The following NPR1 variants were observed in gnomAD, a reference collection of about 807,000 sequenced individuals.
NPR1 encodes the protein atrial natriuretic peptide receptor 1.
In NPR1, 57 loss-of-function variants were observed where a neutral mutation model predicts 116.9. The ratio of observed to expected loss-of-function variants is 0.49; its 90% CI spans 0.39 to 0.61. The LOEUF is 0.61. Ranked by LOEUF, NPR1 falls within the 20% of genes least tolerant of loss-of-function variation. NPR1 has a pLI of 0.00. For missense variants in NPR1, 1,096 were observed against 1,409.8 expected, an observed-to-expected ratio of 0.78 and a Z score of 3.56; for synonymous variants, 555 against 601.6, an observed-to-expected ratio of 0.92 and a Z score of 1.13.
intron 19 of NPR1, 57 bp downstream of exon 19, chr1:153,690,037 C>G: frequency 7.1e-7 from 1 of 1,416,082 alleles, no homozygotes; most frequent in Non-Finnish European, 9.4e-7. Flanking sequence ...GCAAGGGAAA[C>G]TTGTCCCCTG....
chr1:153,679,159 C>A lies in NPR1; in HGVS notation c.51C>A (p.Leu17=). ...GCTCCCGCCTGCGCCTGCTCCTGCT[C>A]CTGCTGCTGCCGCCGCTGCTGCTGC... is the stretch of plus-strand genomic sequence containing the variant. ...PAGSRLRLLL[L]LLLPPLLLLL... is the part of the protein sequence containing the mutation. Residue 17 remains leucine (L), a synonymous_variant, in exon 1 of 22, where the codon CTC becomes CTA. Coordinates refer to ENST00000368680, the MANE Select transcript of NPR1 (RefSeq NM_000906.4). The surrounding 1 kb of genome is among the most constrained non-coding windows in gnomAD (Gnocchi z 4.2). 2 of 1,499,526 alleles carry A rather than the reference C, an allele frequency of 1.3e-6. No homozygotes were observed. The highest frequency in any genetic ancestry group is 1.3e-5 in the South Asian group (1 of 79,984). 92.9% of individuals were successfully genotyped at this position (1,499,526 alleles called of 1,614,324 possible).
rs1669694259 is a variant in NPR1 at position 153,679,365 on chromosome 1, A to C, written c.257A>C (p.Glu86Ala). 6.5e-7 allele frequency: 1 copy of C among 1,539,590 alleles called. No homozygotes were observed. Among genetic ancestry groups the C allele is most frequent in the South Asian group, 1.2e-5 (1 of 84,186 alleles). Residue 86 changes from glutamate (E) to alanine (A), a missense_variant, in exon 1 of 22, where the codon GAA becomes GCA. By Grantham distance (107) the Glu-to-Ala change is moderately radical. Transcript: ENST00000368680. The surrounding 1 kb of genome is among the most constrained non-coding windows in gnomAD (Gnocchi z 4.2). ...GTCCGCACGGTGCTGGGCAGCAGCG[A>C]AAACGCGCTGGGCGTCTGCTCCGAC... ...WTVRTVLGSS[E>A]NALGVCSDTA...
At position 153,689,445 on chromosome 1, in the gene NPR1, C is replaced by A; in HGVS notation, c.2689-8C>A. On this transcript the variant is annotated splice_polypyrimidine_tract_variant and splice_region_variant and intron_variant, in intron 17 of 21. Transcript: ENST00000368680. The surrounding 1 kb of genome is among the most constrained non-coding windows in gnomAD (Gnocchi z 5.1). ...TTCCTGTCTCTCTTAGCTTCTCTTC[C>A]CTTCCAGGTGGTGACCCTGCTCAAT... 1 of 1,614,068 alleles carries A rather than the reference C, an allele frequency of 6.2e-7. No homozygotes were observed. The highest frequency in any genetic ancestry group is 8.5e-7 in the Non-Finnish European group (1 of 1,179,958).
Position 153,688,237 on chromosome 1 carries a change from C to A in NPR1, c.2417+16C>A, listed in dbSNP as rs762506816. The A allele has an allele frequency of 1.9e-6, 3 of 1,610,194 alleles. No homozygotes were observed. In the Middle Eastern group the frequency reaches 5.0e-4, roughly 267 times the overall value. ...AATTTAACAGGTCCCTGGTGTTTGT[C>A]ATGGATCCCCCAGGCCCTTCCTCCA... On this transcript the variant is annotated intron_variant, in intron 15 of 21. Transcript: ENST00000368680.
Position 153,678,990 on chromosome 1 carries a change from G to C in NPR1, c.-119G>C. On this transcript the variant is annotated 5_prime_UTR_variant, in exon 1 of 22. Coordinates refer to ENST00000368680, the MANE Select transcript of NPR1 (RefSeq NM_000906.4). This position sits in a 1 kb window ranked among gnomAD's most constrained non-coding sequence, Gnocchi z 5.8. ...CTCGAGCCCCGGGGTGAGCGTCCCC[G>C]TCCCGCTCCTGCTCCTTCCCATAGG... The C allele has an allele frequency of 8.0e-7, 1 of 1,257,330 alleles. No homozygotes were observed. The highest frequency in any genetic ancestry group is 1.0e-6 in the Non-Finnish European group (1 of 974,008). 77.9% of individuals were successfully genotyped at this position (1,257,330 alleles called of 1,614,324 possible). A position where few individuals can be genotyped will look rare whatever the true frequency, so the allele number is the denominator to read the frequency against.
intron 12 of NPR1, 46 bp from the exon 13 acceptor site, chr1:153,687,154 G>A: frequency 1.2e-6 from 2 of 1,614,080 alleles, no homozygotes; most frequent in African/African-American, 2.7e-5. Flanking sequence ...GGCCACGGGT[G>A]TAGGTCCCAC....
chr1:153,681,119 C>T, intron 2 of NPR1, 61 bp from the exon 3 acceptor site: 1 of 1,069,550 alleles, frequency 9.3e-7, no homozygotes, highest in Non-Finnish European at 1.4e-6. Flanking sequence ...CTGTTGGGGC[C>T]CCACAGTACT....
rs1669675554 is a variant in NPR1, at chr1:153,678,930, C to T, written c.-179C>T. On this transcript the variant is annotated 5_prime_UTR_variant, in exon 1 of 22. Transcript: ENST00000368680. This position sits in a 1 kb window ranked among gnomAD's most constrained non-coding sequence, Gnocchi z 5.8. ...GCGCCCCCCTCGGTCGCGCCCCTTG[C>T]GCTCTCGGCCCAGACCGTCGCAGCT... The T allele has an allele frequency of 2.4e-6, 2 of 845,576 alleles. No individual in the cohort carries two copies. Among genetic ancestry groups the T allele is most frequent in the Admixed American group, 4.1e-5 (1 of 24,106 alleles). The allele number at this position is 845,576 out of a possible 1,614,324, so 52.4% of individuals were successfully genotyped here.
chr1:153,679,815 C>T lies in NPR1; in HGVS notation c.707C>T (p.Pro236Leu), dbSNP rs1290716134. Reference sequence around the variant, plus strand: ...TACACCAGGCTGCTGCGGACCATGCCGCGCAAAGGCCGAGGTGAGACGCTG... The same window carrying T: ...TACACCAGGCTGCTGCGGACCATGCTGCGCAAAGGCCGAGGTGAGACGCTG... Reference protein sequence around the residue: ...SHYTRLLRTMPRKGRVIYICS... With the variant: ...SHYTRLLRTMLRKGRVIYICS... The change falls in exon 1 of 22, where the codon CCG becomes CTG. Residue 236 changes from proline to leucine, a missense_variant. Coordinates refer to ENST00000368680, the MANE Select transcript of NPR1 (RefSeq NM_000906.4). The surrounding 1 kb of genome is among the most constrained non-coding windows in gnomAD (Gnocchi z 4.2). The T allele has an allele frequency of 6.5e-7, 1 of 1,541,842 alleles. No homozygotes were observed. Among genetic ancestry groups the T allele is most frequent in the South Asian group, 1.2e-5 (1 of 84,390 alleles).
intron 8 of NPR1, among the ~76,000 whole-genome samples, 166 bp downstream of exon 8, chr1:153,685,250 T>C (rs1669896989): frequency 6.6e-6 from 1 of 151,560 alleles, no homozygotes; most frequent in African/African-American, 2.4e-5. Flanking sequence ...TCTCAGATGA[T>C]GATTACAGCA....
At chr1:153,682,795 G>A (rs1411601583) in intron 5 of NPR1, among the ~76,000 whole-genome samples, 1 of 152,232 alleles carries the variant, frequency 6.6e-6, no homozygotes, top group Non-Finnish European at 1.5e-5. Context: ...TCACACTTGG[G>A]GAGCCCCATG....
At chr1:153,686,005 G>T in intron 9 of NPR1, 118 bp from the exon 10 acceptor site, 17 of 1,362,042 alleles carry the variant, frequency 1.2e-5, no homozygotes, top group Non-Finnish European at 1.8e-5. Flanking sequence ...GGCCCTGGGG[G>T]TGGGCTATTG....
intron 20 of NPR1, among the ~76,000 whole-genome samples, chr1:153,691,469 A>G (rs1458197493): frequency 6.6e-6 from 1 of 152,220 alleles, no homozygotes; most frequent in African/African-American, 2.4e-5. Context: ...CTTATGGTGA[A>G]AGAAAGGCTG....
At position 153,685,867 on chromosome 1, in the gene NPR1, C is replaced by T. The variant is rs1669913368; in HGVS notation, c.1667C>T (p.Thr556Ile). 3 of 1,613,958 alleles carry T rather than the reference C, an allele frequency of 1.9e-6. No homozygotes were observed. The highest frequency in any genetic ancestry group is 2.5e-6 in the Non-Finnish European group (3 of 1,179,902). Reference sequence around the variant, plus strand: ...GGCCAGTTCCAAGTCTTTGCCAAGACAGCATATTATAAGGTGGGCCTGGGG... The same window carrying T: ...GGCCAGTTCCAAGTCTTTGCCAAGATAGCATATTATAAGGTGGGCCTGGGG... Reference protein sequence around the residue: ...TEGQFQVFAKTAYYKGNLVAV... With the variant: ...TEGQFQVFAKIAYYKGNLVAV... The change falls in exon 9 of 22, where the codon ACA becomes ATA. Residue 556 changes from threonine to isoleucine, a missense_variant. Coordinates refer to ENST00000368680, the MANE Select transcript of NPR1 (RefSeq NM_000906.4).
At position 153,688,513 on chromosome 1, in the gene NPR1, A is replaced by G. The variant is rs7533987; in HGVS notation, c.2417+292A>G. ...TCTAGACTTCTCAGCAGTGTGTAGG[A>G]TAGATGGGCCTCCCGCCTCCTGCCC... On this transcript the variant is annotated intron_variant, in intron 15 of 21. Coordinates refer to ENST00000368680, the MANE Select transcript of NPR1 (RefSeq NM_000906.4). 0.11 allele frequency among the ~76,000 whole-genome samples: 16,960 copies of G among 152,012 alleles called. 1,308 individuals carry two copies. Among genetic ancestry groups the G allele is most frequent in the African/African-American group, 0.22 (9,083 of 41,406 alleles).
intron 3 of NPR1, 133 bp downstream of exon 3, chr1:153,681,426 T>G: frequency 4.5e-6 from 3 of 668,026 alleles, no homozygotes; most frequent in South Asian, 3.7e-5. Context: ...ATGTTTCTCG[T>G]GATGATGGAG....
intron 4 of NPR1, 137 bp downstream of exon 4, chr1:153,681,976 G>A (rs1444180292): frequency 9.6e-6 from 10 of 1,040,528 alleles, no homozygotes; most frequent in South Asian, 1.7e-5. Context: ...CTTTTTTCAG[G>A]CCCATCCCTC....
chr1:153,688,863 G>A (rs1670006809), intron 15 of NPR1, 90 bp from the exon 16 acceptor site: 1 of 1,541,624 alleles, frequency 6.5e-7, no homozygotes, highest in Non-Finnish European at 8.9e-7. Flanking sequence ...CCTCACTGCA[G>A]TCTGGAGGGG....
intron 6 of NPR1, 86 bp downstream of exon 6, chr1:153,683,597 T>A: frequency 1.3e-6 from 2 of 1,578,330 alleles, no homozygotes; most frequent in Non-Finnish European, 1.7e-6. Flanking sequence ...TCCTGTCCCA[T>A]GCTGAGGGCT....
Sources: gnomAD v4.1 joint callset for allele counts (sites outside exome capture counted in the v4.1 genomes callset) on GRCh38, gnomAD v4.1.1 for gene constraint, Gnocchi (gnomAD v3.1) non-coding constraint, MANE v1.5 for transcripts, NCBI Gene and HGNC (gene_info 2026-07-23, HGNC 2026-07-21) for gene names.